The following ANXA2 variants were observed in gnomAD, a reference collection of about 807,000 sequenced individuals.
ANXA2 encodes the protein annexin II.
Under a neutral mutation model 47.3 loss-of-function variants are expected in ANXA2, and 28 were observed. That is an observed-to-expected ratio of 0.59 (90% CI 0.44 to 0.81). The LOEUF (loss-of-function observed/expected upper bound fraction) is 0.81. ANXA2 is among the 40% of genes least tolerant of loss of function. The pLI is 0.00. For missense variants in ANXA2, 384 were observed against 414.3 expected (o/e 0.93, Z 0.64); for synonymous variants, 172 against 155.5 (o/e 1.11, Z -0.79).
intron 1 of ANXA2, among the ~76,000 whole-genome samples, chr15:60,392,435 T>A (rs755884668): frequency 4.0e-5 from 6 of 151,888 alleles, no homozygotes; most frequent in Non-Finnish European, 5.9e-5. Flanking sequence ...TAGATTTTAT[T>A]GTATTCTATT....
chr15:60,376,354 T>C (rs1053246886), intron 3 of ANXA2, among the ~76,000 whole-genome samples: 28 of 149,946 alleles, frequency 1.9e-4, no homozygotes, highest in Admixed American at 4.0e-4. Context: ...CACTCCAGCC[T>C]GGGCAACAAG....
At chr15:60,393,775 G>A (rs17237276) in intron 1 of ANXA2, 9,947 of 829,958 alleles carry the variant, frequency 0.012, 158 homozygotes, top group African/African-American at 0.058. Flanking sequence ...TCTGTCTTCC[G>A]TATTATCCGC....
chr15:60,360,836 A>C, intron 5 of ANXA2, 105 bp downstream of exon 5: 1 of 738,636 alleles, frequency 1.4e-6, no homozygotes, highest in Non-Finnish European at 2.3e-6. Flanking sequence ...AATGGTTCCA[A>C]ATGAGAATTC....
intron 3 of ANXA2, among the ~76,000 whole-genome samples, chr15:60,372,671 T>C (rs545985141): frequency 6.6e-6 from 1 of 151,860 alleles, no homozygotes; most frequent in African/African-American, 2.4e-5. Context: ...AATGGTCTTG[T>C]ATTCAGCTCA....
intron 3 of ANXA2, among the ~76,000 whole-genome samples, chr15:60,381,462 AATTAAT>A (rs1318269942): frequency 6.6e-6 from 1 of 152,212 alleles, no homozygotes; most frequent in Non-Finnish European, 1.5e-5. Flanking sequence ...AGGATTGCTT[AATTAAT>A]ATAAGCCCAG....
At chr15:60,397,039 C>G (rs11071525) in intron 1 of ANXA2, among the ~76,000 whole-genome samples, 111,243 of 152,210 alleles carry the variant, frequency 0.73, 40,912 homozygotes, top group East Asian at 0.92. Context: ...AAGCCACCTT[C>G]CCAGATGAGG....
intron 1 of ANXA2, among the ~76,000 whole-genome samples, chr15:60,392,483 A>T (rs1197009751): frequency 6.7e-6 from 1 of 149,862 alleles, no homozygotes; most frequent in East Asian, 2.0e-4. Context: ...CAAAAAAAGG[A>T]CAAGTGAAGC....
chr15:60,393,596 A>C, intron 1 of ANXA2: 1 of 985,396 alleles, frequency 1.0e-6, no homozygotes, highest in Non-Finnish European at 1.2e-6. Flanking sequence ...CACGCTCAGC[A>C]CTTTCTAAGT....
chr15:60,375,241 G>C (rs1379604175), intron 3 of ANXA2, among the ~76,000 whole-genome samples: 2 of 152,088 alleles, frequency 1.3e-5, no homozygotes, highest in Admixed American at 1.3e-4. Flanking sequence ...AAAGGGGGGA[G>C]AAAAATCACC....
intron 1 of ANXA2, chr15:60,390,532 GA>G: frequency 6.4e-6 from 3 of 469,278 alleles, no homozygotes; most frequent in African/African-American, 2.0e-5. Context: ...CAATTTTCTG[GA>G]AAACGGGTAA....
chr15:60,395,885 A>C (rs1411309653), intron 1 of ANXA2: 1 of 152,194 alleles, frequency 6.6e-6, no homozygotes, highest in Non-Finnish European at 1.5e-5. Flanking sequence ...GATGCAAGGG[A>C]CATTTTTGGA....
rs868156983 is a variant in ANXA2 at position 60,382,234 on chromosome 15, G to A, written c.148+108C>T. The A allele has an allele frequency of 4.7e-5, 37 of 782,956 alleles. 1 individual carries two copies. The Middle Eastern group carries it at 3.4e-3, about 72-fold the overall frequency. The allele number at this position is 782,956 out of a possible 1,614,324, so 48.5% of individuals were successfully genotyped here. A position where few individuals can be genotyped will look rare whatever the true frequency, so the allele number is the denominator to read the frequency against. ...GTCTGGATCTACTCCATTAAAGCTC[G>A]ATGACAATTTCAAATCGCCAACGTA... On this transcript the variant is annotated intron_variant, in intron 3 of 12. Coordinates refer to ENST00000451270, the MANE Select transcript of ANXA2 (RefSeq NM_004039.3).
intron 1 of ANXA2, chr15:60,393,723 C>CT (rs1170247324): frequency 2.1e-6 from 2 of 975,286 alleles, no homozygotes; most frequent in African/African-American, 3.5e-5. Context: ...GCTTCTGCAG[C>CT]TTTTTGTGTG....
At chr15:60,356,506 T>C (rs2062432660) in intron 6 of ANXA2, among the ~76,000 whole-genome samples, 1 of 152,168 alleles carries the variant, frequency 6.6e-6, no homozygotes, top group African/African-American at 2.4e-5. Context: ...AACTGTAATG[T>C]TCCTGATACA....
chr15:60,350,482 G>C (rs1321028959), intron 11 of ANXA2, among the ~76,000 whole-genome samples: 2 of 152,164 alleles, frequency 1.3e-5, no homozygotes, highest in African/African-American at 4.8e-5. Context: ...CAGAGCATCA[G>C]AGCGAAGGCA....
intron 1 of ANXA2, 37 bp from the exon 2 acceptor site, chr15:60,386,123 G>A (rs1468629955): frequency 1.4e-6 from 2 of 1,473,726 alleles, no homozygotes; most frequent in Non-Finnish European, 1.9e-6. Flanking sequence ...TTTATGAAGA[G>A]GCTCTCCTTT....
At chr15:60,355,008 C>T (rs1245814488) in intron 7 of ANXA2, among the ~76,000 whole-genome samples, 2 of 152,090 alleles carry the variant, frequency 1.3e-5, no homozygotes, top group African/African-American at 2.4e-5. Context: ...CAGTCAGATG[C>T]AGCTAGCCAA....
At chr15:60,384,100 T>C (rs774914558) in intron 2 of ANXA2, 2 of 152,254 alleles carry the variant, frequency 1.3e-5, no homozygotes, top group Non-Finnish European at 2.9e-5. Flanking sequence ...TAAGATGAAC[T>C]TGATGACATG....
chr15:60,393,026 ATT>A, intron 1 of ANXA2: 5 of 1,285,330 alleles, frequency 3.9e-6, no homozygotes, highest in Non-Finnish European at 4.1e-6. Flanking sequence ...CTGCATCTTT[ATT>A]TATCAGAACC....
Sources: allele counts gnomAD v4.1 joint callset (sites outside exome capture counted in the v4.1 genomes callset), GRCh38; gene constraint gnomAD v4.1.1; transcripts MANE v1.5; gene names NCBI Gene and HGNC (gene_info 2026-07-23, HGNC 2026-07-21).